The following HS6ST3 variants were observed in gnomAD, a reference collection of about 807,000 sequenced individuals.
HS6ST3 encodes the protein heparan-sulfate 6-O-sulfotransferase 3.
Under a neutral mutation model 36.7 loss-of-function variants are expected in HS6ST3, and 12 were observed. The observed-to-expected ratio is 0.33, with a 90% CI of 0.21 to 0.53. The LOEUF is 0.53. Ranked by LOEUF, HS6ST3 falls within the 20% of genes least tolerant of loss-of-function variation. The pLI, the probability that HS6ST3 is intolerant of heterozygous loss-of-function variation, is 0.95. For synonymous variants in HS6ST3, 240 were observed against 257.5 expected (o/e 0.93, Z 0.65); for missense variants, 584 against 640.9 (o/e 0.91, Z 0.96).
chr13:96,128,720 C>T (rs1490979151), intron 1 of HS6ST3, among the ~76,000 whole-genome samples: 1 of 152,160 alleles, frequency 6.6e-6, no homozygotes, highest in Non-Finnish European at 1.5e-5. Flanking sequence ...TCTCTCTCTT[C>T]CAAAAACTAG....
chr13:96,570,713 G>C (rs1017596154), intron 1 of HS6ST3, among the ~76,000 whole-genome samples: 1 of 152,184 alleles, frequency 6.6e-6, no homozygotes, highest in Non-Finnish European at 1.5e-5. Flanking sequence ...AGTAAAGTAC[G>C]GGTGACCAAA....
At chr13:96,155,015 G>GATAATAGAAGATAATACTAGATA (rs2054103862) in intron 1 of HS6ST3, among the ~76,000 whole-genome samples, 1 of 152,028 alleles carries the variant, frequency 6.6e-6, no homozygotes, top group Admixed American at 6.6e-5. Context: ...ATGCAGACTA[G>GATAATAGAAGATAATACTAGATA]ATAGAAGCAG....
intron 1 of HS6ST3, among the ~76,000 whole-genome samples, chr13:96,524,623 G>C (rs766381141): frequency 1.3e-5 from 2 of 152,232 alleles, no homozygotes; most frequent in Non-Finnish European, 2.9e-5. Context: ...CAGCAACCCA[G>C]GTTGATCTCA....
chr13:96,274,107 G>A (rs1057169762), intron 1 of HS6ST3, among the ~76,000 whole-genome samples: 1 of 150,900 alleles, frequency 6.6e-6, no homozygotes. Context: ...GCAGTGGCAT[G>A]ATCATGGCTC....
At chr13:96,454,526 A>G (rs1242843217) in intron 1 of HS6ST3, among the ~76,000 whole-genome samples, 1 of 152,166 alleles carries the variant, frequency 6.6e-6, no homozygotes, top group East Asian at 1.9e-4. Context: ...TGTCAGATCA[A>G]TGTTTTTAAG....
chr13:96,148,307 T>C lies in HS6ST3; in HGVS notation c.707+56738T>C, dbSNP rs144111840. ...TTGAGGACTTACTGTTAAGTGCATA[T>C]TGGACAAAGCTATATATTCAATGAG... On this transcript the variant is annotated intron_variant, in intron 1 of 1. Coordinates refer to ENST00000376705, the MANE Select transcript of HS6ST3 (RefSeq NM_153456.4). Among the ~76,000 whole-genome samples, 478 of 152,330 alleles carry C rather than the reference T, an allele frequency of 3.1e-3. 3 individuals carry two copies. Among genetic ancestry groups the C allele is most frequent in the African/African-American group, 0.011 (459 of 41,570 alleles).
chr13:96,459,100 T>TAAAAAAAAAAAAAAAAAAAAAAAA lies in HS6ST3; in HGVS notation c.707+367533_707+367556dup, dbSNP rs747439262. On this transcript the variant is annotated intron_variant, in intron 1 of 1. Transcript: ENST00000376705. ...GCCTGGGCGACAGAGCAAGACTGTC[T>TAAAAAAAAAAAAAAAAAAAAAAAA]AAAAAAAAAAAAAAAAAAAAAAAAA... 4.2e-4 allele frequency among the ~76,000 whole-genome samples: 27 copies of TAAAAAAAAAAAAAAAAAAAAAAAA among 63,878 alleles called. 1 individual carries two copies. Among genetic ancestry groups the TAAAAAAAAAAAAAAAAAAAAAAAA allele is most frequent in the East Asian group, 1.3e-3 (3 of 2,282 alleles). The allele number at this position is 63,878 out of a possible 152,430, so 41.9% of individuals were successfully genotyped here.
At chr13:96,435,908 A>T (rs1231302433) in intron 1 of HS6ST3, among the ~76,000 whole-genome samples, 1 of 152,222 alleles carries the variant, frequency 6.6e-6, no homozygotes, top group African/African-American at 2.4e-5. Context: ...CAACTATAGT[A>T]ACATTGCTTT....
At chr13:96,392,982 G>A (rs767900190) in intron 1 of HS6ST3, among the ~76,000 whole-genome samples, 1 of 152,118 alleles carries the variant, frequency 6.6e-6, no homozygotes, top group African/African-American at 2.4e-5. Flanking sequence ...GCTATGGGAG[G>A]GACCTGGTGG....
At chr13:96,465,549 A>G (rs757119579) in intron 1 of HS6ST3, among the ~76,000 whole-genome samples, 2 of 152,198 alleles carry the variant, frequency 1.3e-5, no homozygotes, top group African/African-American at 2.4e-5. Flanking sequence ...TAAATACATT[A>G]CTTAAGGATG....
chr13:96,384,319 A>T (rs899049003), intron 1 of HS6ST3, among the ~76,000 whole-genome samples: 1 of 151,670 alleles, frequency 6.6e-6, no homozygotes, highest in African/African-American at 2.4e-5. Flanking sequence ...TTTGAAAATG[A>T]TAGTAACTGA....
At chr13:96,206,020 A>T (rs1176499335) in intron 1 of HS6ST3, among the ~76,000 whole-genome samples, 2 of 152,214 alleles carry the variant, frequency 1.3e-5, no homozygotes, top group East Asian at 3.8e-4. Context: ...GAGGAGTCAA[A>T]TTATCTTTTT....
intron 1 of HS6ST3, among the ~76,000 whole-genome samples, chr13:96,129,651 T>C (rs1209932113): frequency 6.6e-6 from 1 of 152,228 alleles, no homozygotes; most frequent in Admixed American, 6.5e-5. Context: ...ATTTGAATTG[T>C]GTTTCCCCAA....
chr13:96,239,896 G>C (rs759821870), intron 1 of HS6ST3, among the ~76,000 whole-genome samples: 1 of 152,034 alleles, frequency 6.6e-6, no homozygotes, highest in Non-Finnish European at 1.5e-5. Flanking sequence ...AAGAGAGCTG[G>C]CTTTTTCCTT....
At chr13:96,363,951 A>T (rs909878034) in intron 1 of HS6ST3, among the ~76,000 whole-genome samples, 3 of 152,174 alleles carry the variant, frequency 2.0e-5, no homozygotes, top group African/African-American at 7.2e-5. Context: ...ATGAAAATAT[A>T]AGAAAAGAAA....
chr13:96,806,812 A>G (rs1878206002), intron 1 of HS6ST3, among the ~76,000 whole-genome samples: 1 of 152,210 alleles, frequency 6.6e-6, no homozygotes, highest in Non-Finnish European at 1.5e-5. Flanking sequence ...TGAGATTCAT[A>G]TATTCTCAGA....
Position 96,196,046 on chromosome 13 carries a change from T to C in HS6ST3, c.707+104477T>C, listed in dbSNP as rs560831766. ...GATCTGCTTTTACTTGTGTGCTTTT[T>C]CCTCAAGTGTAAGGCATCATTTTGT... On this transcript the variant is annotated intron_variant, in intron 1 of 1. Transcript: ENST00000376705. 5.3e-5 allele frequency among the ~76,000 whole-genome samples: 8 copies of C among 152,310 alleles called. No homozygotes were observed. In the South Asian group the frequency reaches 1.4e-3, roughly 28 times the overall value.
At chr13:96,614,065 G>A (rs1323806291) in intron 1 of HS6ST3, among the ~76,000 whole-genome samples, 2 of 151,934 alleles carry the variant, frequency 1.3e-5, no homozygotes, top group Non-Finnish European at 2.9e-5. Flanking sequence ...TTGGGAGGCC[G>A]AGGCGGGCGA....
chr13:96,242,829 T>A (rs1239277650), intron 1 of HS6ST3, among the ~76,000 whole-genome samples: 1 of 152,286 alleles, frequency 6.6e-6, no homozygotes, highest in African/African-American at 2.4e-5. Flanking sequence ...CTGGATTGCT[T>A]CTTTTCAATT....
Sources: gnomAD v4.1 joint callset for allele counts (sites outside exome capture counted in the v4.1 genomes callset) on GRCh38, gnomAD v4.1.1 for gene constraint, MANE v1.5 for transcripts, NCBI Gene and HGNC (gene_info 2026-07-23, HGNC 2026-07-21) for gene names.